HSF2BP: variants seen among roughly 807,000 people sequenced by gnomAD.
HSF2BP encodes the protein heat shock transcription factor 2 binding protein, also known as heat shock factor 2-binding protein.
Under a neutral mutation model 35.0 loss-of-function variants are expected in HSF2BP, and 35 were observed. The ratio of observed to expected loss-of-function variants is 1.00; its 90% confidence interval spans 0.76 to 1.32. The LOEUF (loss-of-function observed/expected upper bound fraction) is 1.32. Among genes scored for constraint, HSF2BP ranks in the 40% most tolerant of loss-of-function variants. The pLI is 0.00. For missense variants in HSF2BP, 326 were observed against 321.7 expected, an observed-to-expected ratio of 1.01 and a Z score of -0.10; for synonymous variants, 114 against 117.4, an observed-to-expected ratio of 0.97 and a Z score of 0.18.
chr21:43,640,445 G>A (rs567888984), intron 4 of HSF2BP, among the ~76,000 whole-genome samples: 1 of 152,356 alleles, frequency 6.6e-6, no homozygotes, highest in African/African-American at 2.4e-5. Context: ...TAGCACCAAG[G>A]AGCCTTACGG....
Position 43,613,852 on chromosome 21 carries a change from C to A in HSF2BP, c.670G>T (p.Gly224Ter), listed in dbSNP as rs773269166. ...TACACTTTGAGTTTGGTACACTGTC[C>A]TGGCTTCAAGTCTCCCAGAAGCTGC... is the stretch of plus-strand genomic sequence containing the variant. ...ILQLLGDLKPGQCTKLKVLML... is the reference protein window; with the variant it reads ...ILQLLGDLKP The change falls in exon 7 of 9, where the codon GGA becomes TGA. Residue 224 changes from glycine to a stop codon, truncating the protein, a stop_gained. Coordinates refer to ENST00000291560, the MANE Select transcript of HSF2BP (RefSeq NM_007031.2). LOFTEE classifies it high-confidence loss of function. The A allele has an allele frequency of 5.1e-5, 82 of 1,612,960 alleles. No individual in the cohort carries two copies. The highest frequency in any genetic ancestry group is 6.8e-5 in the Non-Finnish European group (80 of 1,179,174).
chr21:43,616,477 C>T (rs896420135), intron 6 of HSF2BP, among the ~76,000 whole-genome samples: 1 of 152,008 alleles, frequency 6.6e-6, no homozygotes, highest in Admixed American at 6.6e-5. Flanking sequence ...AACCCTGTCT[C>T]TACTAAAAAT....
intron 7 of HSF2BP, among the ~76,000 whole-genome samples, chr21:43,608,872 C>T (rs1387936350): frequency 1.1e-5 from 1 of 90,910 alleles, no homozygotes; most frequent in Non-Finnish European, 2.3e-5. Context: ...ACTTGGGAGG[C>T]CGAGGCAGAA....
chr21:43,644,174 ACAATTTAT>A, intron 4 of HSF2BP, 107 bp downstream of exon 4: 1 of 684,694 alleles, frequency 1.5e-6, no homozygotes, highest in Non-Finnish European at 2.6e-6. Context: ...ATTTACAAAT[ACAATTTAT>A]TGAGGATTAA....
At chr21:43,618,855 G>C (rs2082300338) in intron 6 of HSF2BP, among the ~76,000 whole-genome samples, 1 of 151,408 alleles carries the variant, frequency 6.6e-6, no homozygotes, top group Non-Finnish European at 1.5e-5. Context: ...TGAGGCAAAA[G>C]AATGGCGTGA....
At chr21:43,632,475 ACACAC>A (rs2082493330) in intron 5 of HSF2BP, among the ~76,000 whole-genome samples, 5 of 38,548 alleles carry the variant, frequency 1.3e-4, no homozygotes, top group Non-Finnish European at 1.6e-4. Context: ...ATGCTCACAC[ACACAC>A]GCTGCCACAC....
chr21:43,499,824 CAA>C, the HSF2BP span, among the ~76,000 whole-genome samples: 5 of 123,754 alleles, frequency 4.0e-5, no homozygotes, highest in African/African-American at 1.4e-4. Context: ...ACACTCACAC[CAA>C]ACTCATCACA....
rs1445418398 is a variant in HSF2BP, at chr21:43,613,891, A to G, written c.631T>C (p.Leu211=). 1.2e-6 allele frequency: 2 copies of G among 1,612,440 alleles called. No individual in the cohort carries two copies. The highest frequency in any genetic ancestry group is 1.7e-6 in the Non-Finnish European group (2 of 1,179,694). ...EFLVNSSRVL[L]DTILQLLGDL... is the part of the protein sequence containing the mutation. ...CCCAGAAGCTGCAATATGGTGTCCA[A>G]GAGCACCCGGCTTGAATTAACCAAG... is the stretch of plus-strand genomic sequence containing the variant. Residue 211 remains leucine, a synonymous_variant, in exon 7 of 9, where the codon TTG becomes CTG. Transcript: ENST00000291560.
intron 3 of HSF2BP, among the ~76,000 whole-genome samples, chr21:43,654,050 A>C (rs1410335760): frequency 6.6e-6 from 1 of 152,132 alleles, no homozygotes; most frequent in Non-Finnish European, 1.5e-5. Context: ...AGAAAGCAAA[A>C]GTCTGTCCTG....
chr21:43,642,709 G>A (rs534444860), intron 4 of HSF2BP, among the ~76,000 whole-genome samples: 1 of 152,044 alleles, frequency 6.6e-6, no homozygotes, highest in South Asian at 2.1e-4. Context: ...AAAGTTCCAG[G>A]GCAACAAAAC....
intron 7 of HSF2BP, among the ~76,000 whole-genome samples, chr21:43,608,670 T>A (rs2082164988): frequency 6.6e-6 from 1 of 152,012 alleles, no homozygotes; most frequent in Non-Finnish European, 1.5e-5. Context: ...ACAGCACTGC[T>A]CACAATAGCA....
chr21:43,650,255 G>A (rs984431227), intron 3 of HSF2BP, among the ~76,000 whole-genome samples: 3 of 151,998 alleles, frequency 2.0e-5, no homozygotes, highest in Non-Finnish European at 4.4e-5. Flanking sequence ...CGCCCGGGCT[G>A]GAGTGCAGTG....
intron 8 of HSF2BP, among the ~76,000 whole-genome samples, chr21:43,581,155 G>C (rs1349928326): frequency 1.3e-5 from 2 of 152,206 alleles, no homozygotes. Context: ...GGGAAGACGA[G>C]GCGGGCGGAT....
chr21:43,613,979 T>A, intron 6 of HSF2BP, 32 bp from the exon 7 acceptor site: 1 of 1,444,906 alleles, frequency 6.9e-7, no homozygotes, highest in African/African-American at 1.4e-5. Context: ...AACATCAAGA[T>A]CATTATGACT....
chr21:43,467,919 ACACAC>A, the HSF2BP span, among the ~76,000 whole-genome samples: 1 of 117,748 alleles, frequency 8.5e-6, no homozygotes. Context: ...CACACACCAC[ACACAC>A]CACACACCAC....
chr21:43,599,340 CA>C, intron 7 of HSF2BP, among the ~76,000 whole-genome samples: 1 of 152,200 alleles, frequency 6.6e-6, no homozygotes, highest in South Asian at 2.1e-4. Flanking sequence ...CAAGAGTTAG[CA>C]AAAAATAAAC....
In HSF2BP at chr21:43,575,016, A is replaced by T. The variant is rs534549480; in HGVS notation, c.796+17209T>A. Reference sequence around the variant, plus strand: ...CCGCATGCGCACAGGCAACCAGGGCACAGGAGCAGCAGGGCCTTCCCTCCC... The same window carrying T: ...CCGCATGCGCACAGGCAACCAGGGCTCAGGAGCAGCAGGGCCTTCCCTCCC... On this transcript the variant is annotated intron_variant, in intron 8 of 8. Transcript: ENST00000291560. Among the ~76,000 whole-genome samples, 4 of 152,348 alleles carry T rather than the reference A, an allele frequency of 2.6e-5. No homozygotes were observed. The East Asian group carries it at 7.7e-4, about 29-fold the overall frequency.
chr21:43,612,772 C>T (rs1205536817), intron 7 of HSF2BP, among the ~76,000 whole-genome samples: 2 of 151,806 alleles, frequency 1.3e-5, no homozygotes, highest in African/African-American at 4.8e-5. Context: ...TTGAGGCCAG[C>T]CTAGGCAAGG....
Position 43,592,314 on chromosome 21 carries a change from G to T in HSF2BP, c.707C>A (p.Ser236Tyr). ...CTKLKVLMLMSLYNVSINLKG... is the reference protein window; with the variant it reads ...CTKLKVLMLMYLYNVSINLKG... ...CAAATTGATGCTTACATTGTATAGG[G>T]ACATCAGCATTAGCCTGAAATGTAA... is the stretch of plus-strand genomic sequence containing the variant. Residue 236 changes from serine to tyrosine, a missense_variant, in exon 8 of 9, where the codon TCC (serine) becomes TAC (tyrosine). Ser to Tyr is a moderately radical substitution (Grantham distance 144). Transcript: ENST00000291560. 6.2e-7 allele frequency: 1 copy of T among 1,611,076 alleles called. No homozygotes were observed. The highest frequency in any genetic ancestry group is 8.5e-7 in the Non-Finnish European group (1 of 1,177,364).
Sources: allele counts gnomAD v4.1 joint callset (sites outside exome capture counted in the v4.1 genomes callset), GRCh38; gene constraint gnomAD v4.1.1; transcripts MANE v1.5; gene names NCBI Gene and HGNC (gene_info 2026-07-23, HGNC 2026-07-21).